DLGAP5: variants seen among roughly 807,000 people sequenced by gnomAD.
The protein encoded by DLGAP5 is disks large-associated protein 5.
A neutral mutation model predicts 99.6 loss-of-function variants in DLGAP5; 90 were observed. That is an observed-to-expected ratio of 0.90 (90% CI 0.76 to 1.08). The LOEUF is 1.08. Among genes scored for constraint, DLGAP5 ranks in the 50% least tolerant of loss-of-function variants. The pLI is 0.00. For synonymous variants in DLGAP5, 311 were observed against 321.3 expected (o/e 0.97, Z 0.34); for missense variants, 1,036 against 983.5 (o/e 1.05, Z -0.71).
At chr14:55,164,516 A>C (rs1882565165) in intron 12 of DLGAP5, among the ~76,000 whole-genome samples, 2 of 152,316 alleles carry the variant, frequency 1.3e-5, no homozygotes, top group South Asian at 4.1e-4. Flanking sequence ...TCATAGACTT[A>C]ACTGTAAGTA....
chr14:55,165,010 G>C (rs568320522), intron 12 of DLGAP5, among the ~76,000 whole-genome samples: 1 of 151,018 alleles, frequency 6.6e-6, no homozygotes, highest in East Asian at 1.9e-4. Context: ...AGGATTAAAA[G>C]TCAAGCTACA....
chr14:55,173,284 A>C (rs1480255134), intron 10 of DLGAP5, among the ~76,000 whole-genome samples: 29 of 128,758 alleles, frequency 2.3e-4, no homozygotes, highest in Non-Finnish European at 3.0e-4. Flanking sequence ...AAAAAAAAAA[A>C]AAACAAAAAA....
At chr14:55,162,106 C>T (rs1244608328) in intron 13 of DLGAP5, among the ~76,000 whole-genome samples, 1 of 151,860 alleles carries the variant, frequency 6.6e-6, no homozygotes, top group Non-Finnish European at 1.5e-5. Context: ...AAACCAAAAA[C>T]TTTGAATTCA....
Position 55,179,739 on chromosome 14 carries a change from T to C in DLGAP5, c.704-40A>G, listed in dbSNP as rs374111145. 250 of 1,523,024 alleles carry C rather than the reference T, an allele frequency of 1.6e-4. No homozygotes were observed. The African/African-American group carries it at 2.9e-3, about 18-fold the overall frequency. 94.3% of individuals were successfully genotyped at this position (1,523,024 alleles called of 1,614,324 possible). A position where few individuals can be genotyped will look rare whatever the true frequency, so the allele number is the denominator to read the frequency against. ...AAATATTTATTTTACTAGATAGAAA[T>C]GCTACATGAAAATACTAGGTAACTT... On this transcript the variant is annotated intron_variant, in intron 6 of 18. Coordinates refer to ENST00000247191, the MANE Select transcript of DLGAP5 (RefSeq NM_014750.5).
chr14:55,164,682 G>A (rs1368495305), intron 12 of DLGAP5, among the ~76,000 whole-genome samples: 2 of 152,110 alleles, frequency 1.3e-5, no homozygotes, highest in African/African-American at 4.8e-5. Flanking sequence ...AGGACTTTGG[G>A]AGGCAGAGGC....
In DLGAP5 at chr14:55,150,782, C is replaced by A; in HGVS notation, c.2418+17G>T. 6.4e-7 allele frequency: 1 copy of A among 1,555,602 alleles called. No individual in the cohort carries two copies. The highest frequency in any genetic ancestry group is 1.2e-5 in the South Asian group (1 of 82,016). The stretch of plus-strand genomic sequence containing the variant: ...AAATCTAGAATATAAAGGGACTTGT[C>A]AAGTTGGAAAACTTACTGAATCAAG... On this transcript the variant is annotated intron_variant, in intron 18 of 18. Transcript: ENST00000247191.
At chr14:55,174,641 A>G (rs751774535) in intron 10 of DLGAP5, among the ~76,000 whole-genome samples, 3 of 152,160 alleles carry the variant, frequency 2.0e-5, no homozygotes, top group Non-Finnish European at 4.4e-5. Flanking sequence ...AGGAAAACAG[A>G]AAAGAACCTA....
At chr14:55,156,558 A>G (rs1189998711) in intron 14 of DLGAP5, among the ~76,000 whole-genome samples, 1 of 152,130 alleles carries the variant, frequency 6.6e-6, no homozygotes, top group African/African-American at 2.4e-5. Flanking sequence ...TCCCAGCATA[A>G]TGGCCCCGCT....
chr14:55,170,068 GA>G (rs1483911835), intron 11 of DLGAP5, among the ~76,000 whole-genome samples: 1 of 152,058 alleles, frequency 6.6e-6, no homozygotes. Context: ...CCAGGAGGCA[GA>G]GGTTGCAGGG....
At chr14:55,166,174 T>C (rs1882635229) in intron 12 of DLGAP5, among the ~76,000 whole-genome samples, 1 of 152,218 alleles carries the variant, frequency 6.6e-6, no homozygotes, top group South Asian at 2.1e-4. Context: ...TGAATAGTGA[T>C]ATATCCATAC....
chr14:55,183,641 T>C lies in DLGAP5; in HGVS notation c.351A>G (p.Ile117Met). The change falls in exon 3 of 19, where the codon ATA becomes ATG. Residue 117 changes from isoleucine (I) to methionine (M), a missense_variant. Transcript: ENST00000247191. The part of the protein sequence containing the change: ...KEQREKAKRG[I>M]FKVGRYRPDM... Reference sequence around the variant, plus strand: ...CAGGTCTATAACGACCCACTTTAAATATTCCTCGTTTAGCTTTCTCTCTCT... The same window carrying C: ...CAGGTCTATAACGACCCACTTTAAACATTCCTCGTTTAGCTTTCTCTCTCT... The C allele has an allele frequency of 6.2e-7, 1 of 1,612,202 alleles. No individual in the cohort carries two copies. Among genetic ancestry groups the C allele is most frequent in the South Asian group, 1.1e-5 (1 of 90,432 alleles).
At chr14:55,166,048 G>A (rs929434038) in intron 12 of DLGAP5, among the ~76,000 whole-genome samples, 33 of 152,234 alleles carry the variant, frequency 2.2e-4, no homozygotes, top group African/African-American at 6.5e-4. Context: ...CAATATCTAG[G>A]CATCTGCCCA....
At chr14:55,182,330 A>G in intron 4 of DLGAP5, 40 bp downstream of exon 4, 1 of 1,537,320 alleles carries the variant, frequency 6.5e-7, no homozygotes, top group Middle Eastern at 1.7e-4. Context: ...AAAAAGTGCA[A>G]TTTATCATTT....
intron 15 of DLGAP5, among the ~76,000 whole-genome samples, chr14:55,153,272 T>C (rs1882079881): frequency 6.6e-6 from 1 of 152,068 alleles, no homozygotes; most frequent in Admixed American, 6.6e-5. Context: ...GCCAGGCGCC[T>C]TGGCTCACGC....
intron 14 of DLGAP5, among the ~76,000 whole-genome samples, chr14:55,156,007 C>A (rs1207918079): frequency 3.3e-5 from 5 of 151,812 alleles, no homozygotes; most frequent in African/African-American, 1.2e-4. Context: ...AGGAGAATGG[C>A]GTGAACCCAG....
In DLGAP5 at chr14:55,180,706, C is replaced by G. The variant is rs372697699; in HGVS notation, c.653G>C (p.Arg218Thr). Reference sequence around the variant, plus strand: ...TCTTGCTGTGGTAGATGAGACTGTTCTGGGAACCTGCTTTGCTGCTTGAGT... The same window carrying G: ...TCTTGCTGTGGTAGATGAGACTGTTGTGGGAACCTGCTTTGCTGCTTGAGT... The part of the protein sequence containing the change: ...SATQAAKQVP[R>T]TVSSTTARKP... The change falls in exon 6 of 19, where the codon AGA becomes ACA. Residue 218 changes from arginine to threonine, a missense_variant. By Grantham distance (71) the Arg-to-Thr change is moderately conservative. Coordinates refer to ENST00000247191, the MANE Select transcript of DLGAP5 (RefSeq NM_014750.5). 6.2e-7 allele frequency: 1 copy of G among 1,614,146 alleles called. No individual in the cohort carries two copies. The highest frequency in any genetic ancestry group is 1.7e-5 in the Admixed American group (1 of 60,008).
At chr14:55,172,163 G>C (rs947391637) in intron 10 of DLGAP5, among the ~76,000 whole-genome samples, 1 of 146,960 alleles carries the variant, frequency 6.8e-6, no homozygotes, top group Non-Finnish European at 1.5e-5. Context: ...ACCGAACCCG[G>C]CAGGTTTTGT....
At position 55,177,249 on chromosome 14, in the gene DLGAP5, A is replaced by T. The variant is rs1331252242; in HGVS notation, c.862T>A (p.Ser288Thr). The change falls in exon 8 of 19, where the codon TCA becomes ACA. Residue 288 changes from serine to threonine, a missense_variant. Coordinates refer to ENST00000247191, the MANE Select transcript of DLGAP5 (RefSeq NM_014750.5). Reference sequence around the variant, plus strand: ...ATCTCAGGTAAGTTTTCCATTTTTGATAAGACTCCATCTGGATTCATTCCA... The same window carrying T: ...ATCTCAGGTAAGTTTTCCATTTTTGTTAAGACTCCATCTGGATTCATTCCA... ...TSGMNPDGVLSKMENLPEINT... is the reference protein window; with the variant it reads ...TSGMNPDGVLTKMENLPEINT... 6.2e-7 allele frequency: 1 copy of T among 1,613,548 alleles called. No homozygotes were observed. The highest frequency in any genetic ancestry group is 8.5e-7 in the Non-Finnish European group (1 of 1,179,812).
At chr14:55,173,853 A>T (rs1416405293) in intron 10 of DLGAP5, among the ~76,000 whole-genome samples, 2 of 151,032 alleles carry the variant, frequency 1.3e-5, no homozygotes, top group Non-Finnish European at 2.9e-5. Context: ...TACTTACTTT[A>T]ATCTCTTAAT....
Sources: allele counts gnomAD v4.1 joint callset (sites outside exome capture counted in the v4.1 genomes callset), GRCh38; gene constraint gnomAD v4.1.1; transcripts MANE v1.5; gene names NCBI Gene and HGNC (gene_info 2026-07-23, HGNC 2026-07-21).